VTI1A: variants seen among roughly 807,000 people sequenced by gnomAD.
VTI1A encodes the protein vesicle transport through interaction with t-SNAREs homolog 1A.
Under a neutral mutation model 34.9 loss-of-function variants are expected in VTI1A, and 22 were observed. The ratio of observed to expected loss-of-function variants is 0.63; its 90% CI spans 0.45 to 0.90. The LOEUF is 0.90. Ranked by LOEUF, VTI1A falls within the 40% of genes least tolerant of loss-of-function variation. The pLI is 0.00. For missense variants in VTI1A, 268 were observed against 275.6 expected (o/e 0.97, Z 0.20); for synonymous variants, 87 against 97.3 (o/e 0.89, Z 0.62).
intron 7 of VTI1A, among the ~76,000 whole-genome samples, chr10:112,750,403 A>G (rs556368003): frequency 1.1e-4 from 17 of 151,874 alleles, no homozygotes; most frequent in Non-Finnish European, 2.1e-4. Context: ...TTTTTGAGAG[A>G]GGAGGTCTCA....
At chr10:112,706,420 G>A (rs992646856) in intron 7 of VTI1A, among the ~76,000 whole-genome samples, 1 of 152,176 alleles carries the variant, frequency 6.6e-6, no homozygotes, top group Non-Finnish European at 1.5e-5. Context: ...ATCAATGTGT[G>A]CTAATTAAAT....
chr10:112,809,549 T>C (rs1853213330), intron 7 of VTI1A, among the ~76,000 whole-genome samples: 1 of 152,178 alleles, frequency 6.6e-6, no homozygotes, highest in Admixed American at 6.5e-5. Context: ...TCTGCCACTC[T>C]CCAGCTAATG....
intron 1 of VTI1A, among the ~76,000 whole-genome samples, chr10:112,452,775 G>A (rs1428276554): frequency 2.0e-5 from 3 of 150,608 alleles, no homozygotes; most frequent in African/African-American, 7.3e-5. Context: ...TTTTAGAACA[G>A]TCTGAAATTT....
chr10:112,839,619 C>T, the VTI1A span, among the ~76,000 whole-genome samples: 4 of 152,172 alleles, frequency 2.6e-5, no homozygotes, highest in African/African-American at 7.2e-5. Context: ...ATCCCAAGTG[C>T]TCCCCGCTGC....
At chr10:112,850,420 T>G in the VTI1A span, among the ~76,000 whole-genome samples, 1 of 149,388 alleles carries the variant, frequency 6.7e-6, no homozygotes, top group Admixed American at 6.6e-5. Context: ...TGAAATTAGG[T>G]TAAAGTAAAG....
intron 7 of VTI1A, among the ~76,000 whole-genome samples, chr10:112,778,896 T>C (rs1852027607): frequency 6.6e-6 from 1 of 152,120 alleles, no homozygotes; most frequent in African/African-American, 2.4e-5. Flanking sequence ...GACCTAAGAG[T>C]TGATAAGCCT....
intron 7 of VTI1A, among the ~76,000 whole-genome samples, chr10:112,670,794 T>A (rs1418195021): frequency 6.6e-6 from 1 of 152,162 alleles, no homozygotes; most frequent in African/African-American, 2.4e-5. Context: ...TCATCTTCTT[T>A]TGGGATGTGT....
At chr10:112,761,811 T>TAC (rs1851476516) in intron 7 of VTI1A, among the ~76,000 whole-genome samples, 1 of 148,534 alleles carries the variant, frequency 6.7e-6, no homozygotes. Context: ...TGTATATGAA[T>TAC]ATATTAATAT....
At position 112,460,572 on chromosome 10, in the gene VTI1A, C is replaced by A. The variant is rs148767341; in HGVS notation, c.143C>A (p.Ala48Glu). 1.2e-6 allele frequency: 2 copies of A among 1,608,022 alleles called. No individual in the cohort carries two copies. Among genetic ancestry groups the A allele is most frequent in the East Asian group, 2.2e-5 (1 of 44,492 alleles). ...AATGTGGAGAAACAGCTTGAAGAAGCGAAAGAACTGGTATGTACAGACAGT... is the reference window on the plus strand; with the variant it reads ...AATGTGGAGAAACAGCTTGAAGAAGAGAAAGAACTGGTATGTACAGACAGT... ...VANVEKQLEEAKELLEQMDLE... is the reference protein window; with the variant it reads ...VANVEKQLEEEKELLEQMDLE... The change falls in exon 2 of 8, where the codon GCG becomes GAG. Residue 48 changes from alanine (A) to glutamate (E), a missense_variant. By Grantham distance (107) the Ala-to-Glu change is moderately radical. Coordinates refer to ENST00000393077, the MANE Select transcript of VTI1A (RefSeq NM_145206.4).
the VTI1A span, among the ~76,000 whole-genome samples, chr10:112,836,713 T>C: frequency 6.6e-5 from 10 of 152,230 alleles, no homozygotes; most frequent in Middle Eastern, 3.4e-3. Flanking sequence ...TGAAATGCAG[T>C]TGACTGTGGA....
At chr10:112,675,268 CT>C (rs1847983592) in intron 7 of VTI1A, among the ~76,000 whole-genome samples, 1 of 152,182 alleles carries the variant, frequency 6.6e-6, no homozygotes, top group South Asian at 2.1e-4. Flanking sequence ...AAGATGGATA[CT>C]GTTACTCCCA....
At chr10:112,763,624 G>T (rs1173881025) in intron 7 of VTI1A, among the ~76,000 whole-genome samples, 2 of 152,112 alleles carry the variant, frequency 1.3e-5, no homozygotes, top group Non-Finnish European at 2.9e-5. Context: ...TGGCCTGGTG[G>T]CATTTACAAT....
chr10:112,842,118 AG>A, the VTI1A span, among the ~76,000 whole-genome samples: 1 of 117,888 alleles, frequency 8.5e-6, no homozygotes, highest in Admixed American at 1.3e-4. Flanking sequence ...GCTGGAGTGC[AG>A]TGGTGCAATC....
In VTI1A at chr10:112,755,754, G is replaced by GTA. The variant is rs1177994818; in HGVS notation, c.561-59527_561-59526dup. On this transcript the variant is annotated intron_variant, in intron 7 of 7. Transcript: ENST00000393077. ...CAAAAAATAATAAACATACTTGTGT[G>GTA]TATATATATAAAAAATGTTAATTTC... Among the ~76,000 whole-genome samples the GTA allele has an allele frequency of 1.2e-4, 18 of 152,272 alleles. No homozygotes were observed. The East Asian group carries it at 1.5e-3, about 13-fold the overall frequency.
At chr10:112,827,356 C>CT in the VTI1A span, 1 of 152,050 alleles carries the variant, frequency 6.6e-6, no homozygotes, top group African/African-American at 2.4e-5. Flanking sequence ...TGGAGCCTCT[C>CT]TCGGTGGGGA....
intron 5 of VTI1A, among the ~76,000 whole-genome samples, chr10:112,595,405 C>G (rs9664614): frequency 1.3e-5 from 2 of 150,544 alleles, no homozygotes; most frequent in Non-Finnish European, 3.0e-5. Context: ...TTTTCGCAAC[C>G]TACTCATCTG....
chr10:112,583,017 T>G (rs1262133106), intron 5 of VTI1A, among the ~76,000 whole-genome samples: 1 of 152,196 alleles, frequency 6.6e-6, no homozygotes, highest in African/African-American at 2.4e-5. Context: ...ACTAGAGCAG[T>G]TCTGTAAACT....
At chr10:112,513,485 G>A (rs1849680970) in intron 3 of VTI1A, among the ~76,000 whole-genome samples, 1 of 151,926 alleles carries the variant, frequency 6.6e-6, no homozygotes, top group Non-Finnish European at 1.5e-5. Context: ...TCAGTAAATA[G>A]AGATAAGTTT....
intron 5 of VTI1A, among the ~76,000 whole-genome samples, chr10:112,557,987 G>A (rs1228124679): frequency 6.6e-6 from 1 of 152,168 alleles, no homozygotes; most frequent in East Asian, 1.9e-4. Flanking sequence ...GAAAAGGCGT[G>A]GTTTGAAAGG....
Sources: gnomAD v4.1 joint callset for allele counts (sites outside exome capture counted in the v4.1 genomes callset) on GRCh38, gnomAD v4.1.1 for gene constraint, MANE v1.5 for transcripts, NCBI Gene and HGNC (gene_info 2026-07-23, HGNC 2026-07-21) for gene names.